The following OPCML variants were observed in gnomAD, a reference collection of about 807,000 sequenced individuals.
The protein encoded by OPCML is opioid binding protein/cell adhesion molecule like.
In OPCML, 13 loss-of-function variants were observed where a neutral mutation model predicts 37.8. That is an observed-to-expected ratio of 0.34 (90% CI 0.22 to 0.55). The LOEUF (loss-of-function observed/expected upper bound fraction) is 0.55. OPCML is among the 20% of genes least tolerant of loss of function. OPCML has a pLI of 0.91. For synonymous variants in OPCML, 176 were observed against 168.8 expected (o/e 1.04, Z -0.33); for missense variants, 341 against 435.6 (o/e 0.78, Z 1.93).
At chr11:133,118,240 G>A in intron 1 of OPCML, 1 of 985,298 alleles carries the variant, frequency 1.0e-6, no homozygotes, top group Non-Finnish European at 1.2e-6. Flanking sequence ...GACATAGCTG[G>A]GATATATGTC....
At chr11:132,620,750 GT>G (rs1291594468) in intron 3 of OPCML, among the ~76,000 whole-genome samples, 27 of 152,332 alleles carry the variant, frequency 1.8e-4, no homozygotes, top group African/African-American at 6.5e-4. Context: ...CTCATCTCAT[GT>G]CCTGTCTTCC....
chr11:133,231,536 A>C (rs1246232674), intron 1 of OPCML, among the ~76,000 whole-genome samples: 4 of 152,252 alleles, frequency 2.6e-5, no homozygotes, highest in African/African-American at 9.6e-5. Flanking sequence ...CAAGTTGAAA[A>C]TGGCATCATC....
intron 1 of OPCML, among the ~76,000 whole-genome samples, chr11:133,069,093 G>A (rs956987613): frequency 1.3e-5 from 2 of 152,142 alleles, no homozygotes; most frequent in African/African-American, 4.8e-5. Flanking sequence ...AAGAAGCAAC[G>A]GTGTAGTAAA....
chr11:133,518,409 A>G (rs1373424800), intron 1 of OPCML, among the ~76,000 whole-genome samples: 1 of 150,944 alleles, frequency 6.6e-6, no homozygotes, highest in Non-Finnish European at 1.5e-5. Flanking sequence ...GTGCATAGGG[A>G]TGTGCATGGA....
intron 4 of OPCML, among the ~76,000 whole-genome samples, chr11:132,479,652 T>A (rs1429276645): frequency 2.0e-5 from 3 of 152,158 alleles, no homozygotes; most frequent in Non-Finnish European, 4.4e-5. Flanking sequence ...AGAGCAGTGG[T>A]TCTCCCAGTA....
intron 1 of OPCML, among the ~76,000 whole-genome samples, chr11:133,344,800 C>A (rs1943958179): frequency 6.6e-6 from 1 of 152,202 alleles, no homozygotes; most frequent in Admixed American, 6.5e-5. Flanking sequence ...GATGCCACCT[C>A]CATCATGACA....
intron 1 of OPCML, among the ~76,000 whole-genome samples, chr11:133,455,966 A>G (rs111742731): frequency 5.3e-4 from 80 of 152,214 alleles, no homozygotes; most frequent in African/African-American, 1.9e-3. Flanking sequence ...GGAGAAGAGC[A>G]CAACATACTC....
At chr11:133,494,023 A>C (rs1048439134) in intron 1 of OPCML, among the ~76,000 whole-genome samples, 13 of 152,114 alleles carry the variant, frequency 8.5e-5, no homozygotes, top group Admixed American at 7.2e-4. Context: ...AAAAAAAAAA[A>C]ACACACAACC....
At chr11:132,694,833 A>C (rs2135901955) in intron 2 of OPCML, among the ~76,000 whole-genome samples, 1 of 152,202 alleles carries the variant, frequency 6.6e-6, no homozygotes, top group East Asian at 1.9e-4. Context: ...TTCCTTCCTT[A>C]GTTTTGTTCT....
At chr11:132,599,391 GGAAGAAGGAGGAAGAAGGAGGAA>G (rs1250681552) in intron 3 of OPCML, among the ~76,000 whole-genome samples, 1 of 116,058 alleles carries the variant, frequency 8.6e-6, no homozygotes, top group African/African-American at 4.4e-5. Context: ...GGAAGAAGGA[GGAAGAAGGAGGAAGAAGGAGGAA>G]GAAGGAGGAA....
chr11:132,516,452 T>C (rs2096279967), intron 4 of OPCML, among the ~76,000 whole-genome samples: 1 of 152,172 alleles, frequency 6.6e-6, no homozygotes, highest in Non-Finnish European at 1.5e-5. Flanking sequence ...CGATATACGA[T>C]GGATACATGT....
intron 1 of OPCML, among the ~76,000 whole-genome samples, chr11:133,475,224 G>GTTT (rs71887729): frequency 1.5e-5 from 2 of 136,220 alleles, no homozygotes; most frequent in Non-Finnish European, 3.0e-5. Flanking sequence ...TTTTTTTGTT[G>GTTT]TTTTTTTGTT....
At chr11:133,263,035 G>C (rs985893546) in intron 1 of OPCML, among the ~76,000 whole-genome samples, 15 of 151,892 alleles carry the variant, frequency 9.9e-5, no homozygotes, top group African/African-American at 3.6e-4. Context: ...AAGCAGAAGA[G>C]TGGTCATGCA....
chr11:133,512,870 C>T (rs898192677), intron 1 of OPCML, among the ~76,000 whole-genome samples: 7 of 152,202 alleles, frequency 4.6e-5, no homozygotes, highest in African/African-American at 1.4e-4. Context: ...ATATTAGCAG[C>T]TTTGTCCCAG....
chr11:132,790,645 G>A (rs535880781), intron 2 of OPCML, among the ~76,000 whole-genome samples: 2 of 152,262 alleles, frequency 1.3e-5, no homozygotes, highest in African/African-American at 4.8e-5. Context: ...CACAGCACAC[G>A]GCCTTCATTG....
chr11:133,497,596 C>T (rs529659151), intron 1 of OPCML, among the ~76,000 whole-genome samples: 1 of 151,964 alleles, frequency 6.6e-6, no homozygotes, highest in East Asian at 1.9e-4. Context: ...ATTTTGGTCA[C>T]GTCGCTCTTG....
At chr11:133,014,550 G>T (rs1565398220) in intron 1 of OPCML, among the ~76,000 whole-genome samples, 1 of 152,164 alleles carries the variant, frequency 6.6e-6, no homozygotes, top group Non-Finnish European at 1.5e-5. Context: ...CCATCTGTCA[G>T]CAGAGTCCAG....
In OPCML at chr11:133,344,322, G is replaced by A. The variant is rs571923067; in HGVS notation, c.61+187942C>T. 5.3e-4 allele frequency among the ~76,000 whole-genome samples: 81 copies of A among 152,252 alleles called. 1 individual carries two copies. The highest frequency in any genetic ancestry group is 1.9e-3 in the African/African-American group (78 of 41,544). The stretch of plus-strand genomic sequence containing the variant: ...CCCTGAGAGCCAATGCTGTCTTTGC[G>A]AAAAGGGTGCATTACCTACTGCTAT... On this transcript the variant is annotated intron_variant, in intron 1 of 7. Coordinates refer to ENST00000524381, the MANE Select transcript of OPCML (RefSeq NM_001012393.5).
chr11:132,716,572 T>C (rs951948802), intron 2 of OPCML, among the ~76,000 whole-genome samples: 1 of 152,176 alleles, frequency 6.6e-6, no homozygotes, highest in Non-Finnish European at 1.5e-5. Flanking sequence ...TCAGGAAAAT[T>C]TAATTTAAAT....
Sources: allele counts gnomAD v4.1 joint callset (sites outside exome capture counted in the v4.1 genomes callset), GRCh38; gene constraint gnomAD v4.1.1; transcripts MANE v1.5; gene names NCBI Gene and HGNC (gene_info 2026-07-23, HGNC 2026-07-21).